The following AKAP13 variants were observed in gnomAD, a reference collection of about 807,000 sequenced individuals.
The protein encoded by AKAP13 is A-kinase anchoring protein 13.
A neutral mutation model predicts 264.5 loss-of-function variants in AKAP13; 80 were observed. That is an observed-to-expected ratio of 0.30 (90% CI 0.25 to 0.36). The LOEUF (loss-of-function observed/expected upper bound fraction) is 0.36, where lower values mean the gene tolerates loss of function less well. AKAP13 is among the 10% of genes least tolerant of loss of function. The probability of loss-of-function intolerance (pLI) is 1.00; values close to 1 mark genes in which losing one functional copy is unlikely to be tolerated. For synonymous variants in AKAP13, 1,380 were observed against 1,250.2 expected (o/e 1.10, Z -2.19); for missense variants, 3,712 against 3,435.2 (o/e 1.08, Z -2.01).
chr15:85,689,050 T>G (rs1416099238), intron 16 of AKAP13, among the ~76,000 whole-genome samples: 2 of 152,242 alleles, frequency 1.3e-5, no homozygotes, highest in Non-Finnish European at 2.9e-5. Flanking sequence ...CAGTTACTTT[T>G]GCACCAACCT....
At chr15:85,705,610 T>A (rs942073238) in intron 17 of AKAP13, among the ~76,000 whole-genome samples, 1 of 137,838 alleles carries the variant, frequency 7.3e-6, no homozygotes, top group African/African-American at 2.8e-5. Context: ...GATGATTTTT[T>A]AAAAATTAAA....
chr15:85,743,578 A>T lies in AKAP13; in HGVS notation c.8145A>T (p.Ile2715=), dbSNP rs777055796. 6.2e-7 allele frequency: 1 copy of T among 1,614,138 alleles called. No homozygotes were observed. Among genetic ancestry groups the T allele is most frequent in the Non-Finnish European group, 8.5e-7 (1 of 1,180,030 alleles). ...CCCCCTCGCCATCTGCACCTTCCAT[A>T]GCCAAATCAGGGTCATTGGACTCAG... The part of the protein sequence containing the change: ...EEPPSPSAPS[I]AKSGSLDSEL... The change falls in exon 36 of 37, where the codon ATA becomes ATT. Residue 2715 remains isoleucine (I), a synonymous_variant. Transcript: ENST00000394518.
chr15:85,471,497 AAAACAAAC>A (rs567342678), intron 1 of AKAP13, among the ~76,000 whole-genome samples: 10 of 152,176 alleles, frequency 6.6e-5, no homozygotes, highest in African/African-American at 2.4e-4. Context: ...TCCGTCTCAA[AAAACAAAC>A]AAACAAACAA....
At chr15:85,546,959 G>A (rs922119225) in intron 5 of AKAP13, among the ~76,000 whole-genome samples, 14 of 152,014 alleles carry the variant, frequency 9.2e-5, no homozygotes, top group African/African-American at 3.1e-4. Context: ...GGTCAGGCTG[G>A]TCTCGAACTT....
Position 85,581,162 on chromosome 15 carries a change from G to A in AKAP13, c.3094G>A (p.Ala1032Thr), listed in dbSNP as rs1437287469. The A allele has an allele frequency of 6.2e-7, 1 of 1,614,192 alleles. No homozygotes were observed. The highest frequency in any genetic ancestry group is 2.2e-5 in the East Asian group (1 of 44,872). ...ASLATESRQE[A>T]LGAEHNSSAL... ...TCTGGCCACAGAGTCAAGGCAGGAA[G>A]CCTTGGGGGCAGAGCACAACAGCTC... Residue 1032 changes from alanine (A) to threonine (T), a missense_variant, in exon 7 of 37, where the codon GCC becomes ACC. Transcript: ENST00000394518.
Position 85,580,506 on chromosome 15 carries a change from C to A in AKAP13, c.2438C>A (p.Thr813Lys), listed in dbSNP as rs749393213. 1 of 1,614,230 alleles carries A rather than the reference C, an allele frequency of 6.2e-7. No homozygotes were observed. The highest frequency in any genetic ancestry group is 1.1e-5 in the South Asian group (1 of 91,082). ...SFVPSQKEKG[T>K]ATPELHTATD... ...GTCCCCTCCCAGAAAGAAAAGGGAA[C>A]AGCAACTCCTGAACTACATACAGCT... The change falls in exon 7 of 37, where the codon ACA becomes AAA. Residue 813 changes from threonine to lysine, a missense_variant. This residue lies in a region of AKAP13 where 2,759 missense variants were observed against 2,411.7 expected (regional missense o/e 1.14). Coordinates refer to ENST00000394518, the MANE Select transcript of AKAP13 (RefSeq NM_007200.5).
intron 5 of AKAP13, among the ~76,000 whole-genome samples, chr15:85,563,354 TA>T (rs58936526): frequency 0.025 from 2,692 of 107,096 alleles, 516 homozygotes; most frequent in Middle Eastern, 0.073. Context: ...TTTTTTTTTT[TA>T]AAGACGGAGA....
chr15:85,715,912 G>C lies in AKAP13; in HGVS notation c.5724G>C (p.Gln1908His). 1 of 1,611,376 alleles carries C rather than the reference G, an allele frequency of 6.2e-7. No individual in the cohort carries two copies. Among genetic ancestry groups the C allele is most frequent in the Non-Finnish European group, 8.5e-7 (1 of 1,179,254 alleles). The stretch of plus-strand genomic sequence containing the variant: ...CGCTCTCCAAAAGTGTCTCCATACA[G>C]AACATTACTGGGTAAGTGGAGATAT... ...SVSLSKSVSI[Q>H]NITGVGNDEN... is the part of the protein sequence containing the mutation. The change falls in exon 20 of 37, where the codon CAG becomes CAC. Residue 1908 changes from glutamine (Q) to histidine (H), a missense_variant. By Grantham distance (24) the Gln-to-His change is conservative (BLOSUM62 0). Around this residue, in one of 3 missense-constraint regions of AKAP13, gnomAD observed 2,759 missense variants for 2,411.7 expected, o/e 1.14. Coordinates refer to ENST00000394518, the MANE Select transcript of AKAP13 (RefSeq NM_007200.5).
intron 2 of AKAP13, among the ~76,000 whole-genome samples, chr15:85,510,660 A>G (rs1392509366): frequency 2.0e-5 from 3 of 152,224 alleles, no homozygotes; most frequent in Admixed American, 6.5e-5. Context: ...ATCACAGATG[A>G]ACAATTATAT....
At position 85,380,763 on chromosome 15, in the gene AKAP13, C is replaced by G. The variant is rs1409674824; in HGVS notation, c.-47C>G. 1 of 152,640 alleles carries G rather than the reference C, an allele frequency of 6.6e-6. No homozygotes were observed. 9.5% of individuals were successfully genotyped at this position (152,640 alleles called of 1,614,324 possible). On this transcript the variant is annotated 5_prime_UTR_variant, in exon 1 of 37. Transcript: ENST00000394518. ...CCGCGGCGAAGGTGAAGAGTTGTCC[C>G]AGCTCGGCCCGCGGGGGAGCCCCGG...
At chr15:85,670,272 C>T (rs192870976) in intron 14 of AKAP13, among the ~76,000 whole-genome samples, 1 of 152,100 alleles carries the variant, frequency 6.6e-6, no homozygotes, top group East Asian at 1.9e-4. Context: ...TTTTCTGAAA[C>T]ACTTGAGAGA....
chr15:85,516,356 T>C (rs1286784683), intron 2 of AKAP13, among the ~76,000 whole-genome samples: 1 of 152,224 alleles, frequency 6.6e-6, no homozygotes, highest in Non-Finnish European at 1.5e-5. Flanking sequence ...GTTAAACAGA[T>C]GTAAAGTGAT....
intron 5 of AKAP13, among the ~76,000 whole-genome samples, chr15:85,562,765 G>A (rs1217064086): frequency 7.5e-6 from 1 of 133,192 alleles, no homozygotes; most frequent in African/African-American, 2.8e-5. Flanking sequence ...GCGCGACCTC[G>A]GCTCACTCCA....
chr15:85,421,600 C>T (rs992205102), intron 1 of AKAP13, among the ~76,000 whole-genome samples: 5 of 152,252 alleles, frequency 3.3e-5, no homozygotes, highest in African/African-American at 1.2e-4. Flanking sequence ...CGCGCCTGTG[C>T]ACACTCTCAA....
At chr15:85,642,460 A>G (rs1231692160) in intron 9 of AKAP13, among the ~76,000 whole-genome samples, 3 of 152,280 alleles carry the variant, frequency 2.0e-5, no homozygotes, top group African/African-American at 7.2e-5. Flanking sequence ...GGAAGAAAGA[A>G]AAGATTTTAT....
chr15:85,476,817 A>G (rs1349019715), intron 1 of AKAP13, among the ~76,000 whole-genome samples: 1 of 152,156 alleles, frequency 6.6e-6, no homozygotes, highest in Admixed American at 6.5e-5. Context: ...TTTAATAACT[A>G]TTCATCCAAG....
At chr15:85,619,870 T>G (rs995177577) in intron 8 of AKAP13, 5 of 1,398,448 alleles carry the variant, frequency 3.6e-6, no homozygotes, top group Middle Eastern at 5.1e-4. Context: ...TCTGAAGTTA[T>G]CAGCAAGTTC....
intron 17 of AKAP13, among the ~76,000 whole-genome samples, chr15:85,695,447 G>A (rs2085515321): frequency 6.6e-6 from 1 of 152,192 alleles, no homozygotes; most frequent in African/African-American, 2.4e-5. Flanking sequence ...CAGATTGGAA[G>A]TTACTTCTGT....
At chr15:85,626,095 T>C (rs1314497157) in intron 8 of AKAP13, among the ~76,000 whole-genome samples, 1 of 152,246 alleles carries the variant, frequency 6.6e-6, no homozygotes, top group Non-Finnish European at 1.5e-5. Context: ...ACAGTACATA[T>C]GGAGCTTGTC....
Sources: allele counts gnomAD v4.1 joint callset (sites outside exome capture counted in the v4.1 genomes callset), GRCh38; gene constraint gnomAD v4.1.1; regional missense constraint gnomAD v4.1.1; transcripts MANE v1.5; gene names NCBI Gene and HGNC (gene_info 2026-07-23, HGNC 2026-07-21).